MYSM1: variants seen among roughly 807,000 people sequenced by gnomAD.
MYSM1 encodes the protein deubiquitinase MYSM1.
MYSM1 carries 51 observed loss-of-function variants against 116.0 expected under a neutral mutation model. The observed-to-expected ratio is 0.44, with a 90% CI of 0.35 to 0.56. The LOEUF (loss-of-function observed/expected upper bound fraction) is 0.56. MYSM1 is among the 20% of genes least tolerant of loss of function. MYSM1 has a pLI of 0.00. For missense variants in MYSM1, 900 were observed against 974.9 expected (o/e 0.92, Z 1.02); for synonymous variants, 313 against 315.2 (o/e 0.99, Z 0.07).
Position 58,660,103 on chromosome 1 carries a change from G to C in MYSM1, c.2381C>G (p.Ala794Gly). The C allele has an allele frequency of 1.2e-6, 2 of 1,609,994 alleles. No homozygotes were observed. Among genetic ancestry groups the C allele is most frequent in the Non-Finnish European group, 1.7e-6 (2 of 1,178,034 alleles). Residue 794 changes from alanine to glycine, a missense_variant, in exon 20 of 20, where the codon GCT (alanine) becomes GGT (glycine). Coordinates refer to ENST00000472487, the MANE Select transcript of MYSM1 (RefSeq NM_001085487.3). ...TLSKVTNCFMAEEFLTEIENL... is the reference protein window; with the variant it reads ...TLSKVTNCFMGEEFLTEIENL... ...TTCTATTTCAGTCAAGAATTCTTCA[G>C]CCATAAAGCAATTGGTCACTTTGCT...
rs899861843 is a variant in MYSM1 at position 58,656,625 on chromosome 1, A to G, written c.*3372T>C. 1.3e-5 allele frequency: 2 copies of G among 152,238 alleles called. No homozygotes were observed. The highest frequency in any genetic ancestry group is 4.8e-5 in the African/African-American group (2 of 41,468). The allele number at this position is 152,238 out of a possible 1,614,324, so 9.4% of individuals were successfully genotyped here. On this transcript the variant is annotated 3_prime_UTR_variant, in exon 20 of 20. Coordinates refer to ENST00000472487, the MANE Select transcript of MYSM1 (RefSeq NM_001085487.3). ...TTAGGTTGGGAAGGAAGTAAGTTCA[A>G]GTCTATAGATCTATAACCGTGGAAA...
rs191209607 is a variant in MYSM1 at position 58,695,262 on chromosome 1, G to T, written c.69-55C>A. 2,536 of 1,133,292 alleles carry T rather than the reference G, an allele frequency of 2.2e-3. 10 individuals carry two copies. The highest frequency in any genetic ancestry group is 4.9e-3 in the Middle Eastern group (25 of 5,076). The allele number at this position is 1,133,292 out of a possible 1,614,324, so 70.2% of individuals were successfully genotyped here. On this transcript the variant is annotated intron_variant, in intron 1 of 19. Coordinates refer to ENST00000472487, the MANE Select transcript of MYSM1 (RefSeq NM_001085487.3). ...GTGAAAATCATATTAGTTAATGAAT[G>T]TAACTTACACAGCACAGAATCCAGC...
chr1:58,697,558 GA>G (rs1644993276), intron 1 of MYSM1, among the ~76,000 whole-genome samples: 1 of 151,606 alleles, frequency 6.6e-6, no homozygotes, highest in Non-Finnish European at 1.5e-5. Flanking sequence ...GAATGAGACA[GA>G]ATGGTAGAAG....
intron 6 of MYSM1, among the ~76,000 whole-genome samples, chr1:58,688,015 C>T (rs1644853838): frequency 6.6e-6 from 1 of 151,626 alleles, no homozygotes; most frequent in Admixed American, 6.6e-5. Context: ...TGATAAGGGG[C>T]AAAACACCAA....
At chr1:58,680,916 G>A (rs1317242563) in intron 8 of MYSM1, among the ~76,000 whole-genome samples, 1 of 151,670 alleles carries the variant, frequency 6.6e-6, no homozygotes, top group Non-Finnish European at 1.5e-5. Context: ...CTGCCTCCCA[G>A]GTTCAAGAGA....
At chr1:58,698,104 T>TATATATATATATA (rs1557530217) in intron 1 of MYSM1, among the ~76,000 whole-genome samples, 1 of 11,350 alleles carries the variant, frequency 8.8e-5, no homozygotes, top group African/African-American at 2.9e-4. Flanking sequence ...ATATATATAT[T>TATATATATATATA]TTTTTTTTTT....
At chr1:58,663,536 A>G (rs1276688393) in intron 17 of MYSM1, among the ~76,000 whole-genome samples, 2 of 152,248 alleles carry the variant, frequency 1.3e-5, no homozygotes, top group Admixed American at 6.5e-5. Flanking sequence ...AGGGCAAAGC[A>G]AAAGACCTAG....
chr1:58,691,211 C>T (rs1284953872), intron 3 of MYSM1, among the ~76,000 whole-genome samples: 1 of 151,442 alleles, frequency 6.6e-6, no homozygotes, highest in Non-Finnish European at 1.5e-5. Flanking sequence ...ACCTGGAAGG[C>T]GGAGCTTGCA....
Position 58,690,219 on chromosome 1 carries a change from T to A in MYSM1, c.320+7A>T. 6.5e-7 allele frequency: 1 copy of A among 1,538,840 alleles called. No individual in the cohort carries two copies. Among genetic ancestry groups the A allele is most frequent in the Non-Finnish European group, 8.8e-7 (1 of 1,141,644 alleles). ...CAGATTTATAAATATAAAATATAAG[T>A]ACATACATGATTTTTGCTGTTTTCT... On this transcript the variant is annotated splice_region_variant and intron_variant, in intron 5 of 19. Coordinates refer to ENST00000472487, the MANE Select transcript of MYSM1 (RefSeq NM_001085487.3).
intron 2 of MYSM1, 21 bp from the exon 3 acceptor site, chr1:58,692,952 T>C (rs1644923202): frequency 6.4e-7 from 1 of 1,559,174 alleles, no homozygotes. Flanking sequence ...AGAGAATATA[T>C]TTGTCTTTTT....
intron 5 of MYSM1, 186 bp from the exon 6 acceptor site, chr1:58,689,302 G>C (rs1460836937): frequency 1.9e-6 from 1 of 528,028 alleles, no homozygotes; most frequent in Non-Finnish European, 3.3e-6. Flanking sequence ...ACCCTGTCAC[G>C]TGTCTCTAGC....
chr1:58,683,030 C>T (rs1000360939), intron 7 of MYSM1, among the ~76,000 whole-genome samples: 1 of 152,088 alleles, frequency 6.6e-6, no homozygotes, highest in Non-Finnish European at 1.5e-5. Flanking sequence ...AGATTGGGCA[C>T]GTTCATGGTG....
chr1:58,663,307 T>C (rs989310527), intron 17 of MYSM1, among the ~76,000 whole-genome samples: 1 of 118,138 alleles, frequency 8.5e-6, no homozygotes, highest in Non-Finnish European at 1.7e-5. Flanking sequence ...TTAAAAAAGG[T>C]ACTTTTAAAG....
In MYSM1 at chr1:58,682,296, G is replaced by T. The variant is rs1343008122; in HGVS notation, c.748C>A (p.Pro250Thr). The part of the protein sequence containing the change: ...NSSSDLLLDF[P>T]NSKMHETNQG... ...TTGGTTTCATGCATTTTACTATTAG[G>T]AAAGTCTAACAAGAGATCACTGCTA... Residue 250 changes from proline (P) to threonine (T), a missense_variant, in exon 8 of 20, where the codon CCT (proline) becomes ACT (threonine). Transcript: ENST00000472487. 11 of 1,611,558 alleles carry T rather than the reference G, an allele frequency of 6.8e-6. No individual in the cohort carries two copies. The highest frequency in any genetic ancestry group is 9.3e-6 in the Non-Finnish European group (11 of 1,178,158).
chr1:58,661,178 A>G lies in MYSM1; in HGVS notation c.2320T>C (p.Leu774=). The change falls in exon 19 of 20, where the codon TTG becomes CTG. Residue 774 remains leucine, a synonymous_variant. Transcript: ENST00000472487. Reference sequence around the variant, plus strand: ...AAATGAAGACAGCTTACTTTCTGCAAACAAGTCAGGTCAGAATCCCGGCGA... The same window carrying G: ...AAATGAAGACAGCTTACTTTCTGCAGACAAGTCAGGTCAGAATCCCGGCGA... ...IFRRDSDLTC[L]QKLLECMRKT... 6.2e-7 allele frequency: 1 copy of G among 1,612,912 alleles called. No individual in the cohort carries two copies. The highest frequency in any genetic ancestry group is 8.5e-7 in the Non-Finnish European group (1 of 1,179,042).
Position 58,655,508 on chromosome 1 carries a change from C to T in MYSM1, c.*4489G>A, listed in dbSNP as rs898141385. 3 of 151,954 alleles carry T rather than the reference C, an allele frequency of 2.0e-5. No individual in the cohort carries two copies. Among genetic ancestry groups the T allele is most frequent in the Non-Finnish European group, 4.4e-5 (3 of 67,974 alleles). 9.4% of individuals were successfully genotyped at this position (151,954 alleles called of 1,614,324 possible). ...ATTTAGTGGAGGCAACTATTTATTC[C>T]CTCCCTTGTTCCAGGAAAAATGTAA... On this transcript the variant is annotated 3_prime_UTR_variant, in exon 20 of 20. Coordinates refer to ENST00000472487, the MANE Select transcript of MYSM1 (RefSeq NM_001085487.3).
At chr1:58,683,849 T>C (rs1327219310) in intron 7 of MYSM1, among the ~76,000 whole-genome samples, 1 of 152,214 alleles carries the variant, frequency 6.6e-6, no homozygotes, top group South Asian at 2.1e-4. Context: ...ATCCTGTCTA[T>C]AATTTTAAAA....
intron 1 of MYSM1, chr1:58,699,688 C>A (rs753597374): frequency 8.3e-5 from 82 of 985,272 alleles, no homozygotes; most frequent in Admixed American, 2.5e-4. Context: ...AAGGAGGGAA[C>A]GGAAGAAGGA....
chr1:58,687,710 C>T (rs1228386916), intron 6 of MYSM1, among the ~76,000 whole-genome samples: 2 of 152,200 alleles, frequency 1.3e-5, no homozygotes, highest in East Asian at 3.9e-4. Flanking sequence ...CTGAACACCA[C>T]AACGACATCC....
Sources: gnomAD v4.1 joint callset for allele counts (sites outside exome capture counted in the v4.1 genomes callset) on GRCh38, gnomAD v4.1.1 for gene constraint, MANE v1.5 for transcripts, NCBI Gene and HGNC (gene_info 2026-07-23, HGNC 2026-07-21) for gene names.